ANKIB1: variants seen among roughly 807,000 people sequenced by gnomAD.
The protein encoded by ANKIB1 is ankyrin repeat and IBR domain containing 1.
Under a neutral mutation model 122.1 loss-of-function variants are expected in ANKIB1, and 43 were observed. The ratio of observed to expected loss-of-function variants is 0.35; its 90% CI spans 0.28 to 0.45. ANKIB1 has a LOEUF of 0.45. Ranked by LOEUF, ANKIB1 falls within the 20% of genes least tolerant of loss-of-function variation. The pLI, the probability that ANKIB1 is intolerant of heterozygous loss-of-function variation, is 1.00. For missense variants in ANKIB1, 992 were observed against 1,329.5 expected (o/e 0.75, Z 3.95); for synonymous variants, 390 against 442.0 (o/e 0.88, Z 1.48).
intron 4 of ANKIB1, chr7:92,325,940 T>C (rs541273839): frequency 6.7e-6 from 3 of 449,918 alleles, no homozygotes; most frequent in South Asian, 4.7e-5. Context: ...CTGACTGCTT[T>C]GAAGGTTATT....
intron 19 of ANKIB1, 32 bp downstream of exon 19, chr7:92,397,891 C>G: frequency 6.3e-7 from 1 of 1,584,218 alleles, no homozygotes; most frequent in South Asian, 1.2e-5. Context: ...ATTGCCTGTG[C>G]TTTTACTCTT....
intron 10 of ANKIB1, among the ~76,000 whole-genome samples, chr7:92,367,984 C>T (rs1371234816): frequency 6.6e-6 from 1 of 151,990 alleles, no homozygotes; most frequent in Non-Finnish European, 1.5e-5. Flanking sequence ...AGTGAGATCC[C>T]ACCTCTCCAA....
At chr7:92,352,372 TTTTC>T in intron 8 of ANKIB1, 100 bp from the exon 9 acceptor site, 1 of 1,226,974 alleles carries the variant, frequency 8.2e-7, no homozygotes, top group South Asian at 1.5e-5. Context: ...ATTTCACTCT[TTTTC>T]TTTCTTTGCT....
At chr7:92,332,380 A>T (rs750882946) in intron 5 of ANKIB1, among the ~76,000 whole-genome samples, 9 of 152,218 alleles carry the variant, frequency 5.9e-5, no homozygotes, top group Non-Finnish European at 1.2e-4. Flanking sequence ...ATTCATTTTT[A>T]TACAGGAAAA....
chr7:92,386,740 A>G (rs1278869886), intron 12 of ANKIB1, 97 bp downstream of exon 12: 5 of 1,138,010 alleles, frequency 4.4e-6, no homozygotes, highest in Non-Finnish European at 5.8e-6. Flanking sequence ...TTAATAAAGT[A>G]TTAAATTGAA....
At position 92,376,744 on chromosome 7, in the gene ANKIB1, C is replaced by T. The variant is rs944503211; in HGVS notation, c.1617+5137C>T. ...GATTACAGGCGTGAGCCACCGTGCC[C>T]GGCCTACCTTGCACTTTTATATTAT... On this transcript the variant is annotated intron_variant, in intron 11 of 19. Coordinates refer to ENST00000265742, the MANE Select transcript of ANKIB1 (RefSeq NM_019004.2). Among the ~76,000 whole-genome samples the T allele has an allele frequency of 5.9e-5, 9 of 152,140 alleles. No individual in the cohort carries two copies. The East Asian group carries it at 1.7e-3, about 29-fold the overall frequency.
chr7:92,344,193 G>GTTTTTTTT (rs67933063), intron 6 of ANKIB1, among the ~76,000 whole-genome samples: 10 of 97,682 alleles, frequency 1.0e-4, no homozygotes, highest in East Asian at 3.7e-4. Context: ...TGTGTTTTTG[G>GTTTTTTTT]TTTTTTTTTT....
At chr7:92,291,601 T>TA (rs1244898642) in intron 1 of ANKIB1, among the ~76,000 whole-genome samples, 1 of 148,170 alleles carries the variant, frequency 6.7e-6, no homozygotes, top group Admixed American at 6.8e-5. Context: ...GACAGAGTCT[T>TA]ACACTGTGGC....
rs1804971104 is a variant in ANKIB1 at position 92,399,449 on chromosome 7, A to G, written c.*500A>G. On this transcript the variant is annotated 3_prime_UTR_variant, in exon 20 of 20. Transcript: ENST00000265742. ...TAACTTACTTCCTTTTTGTCTGAGC[A>G]ATGTGAATTGAAGTCTCTTTAGTAC... The G allele has an allele frequency of 6.6e-6, 1 of 152,244 alleles. No individual in the cohort carries two copies. Among genetic ancestry groups the G allele is most frequent in the Non-Finnish European group, 1.5e-5 (1 of 68,068 alleles). 9.4% of individuals were successfully genotyped at this position (152,244 alleles called of 1,614,324 possible).
In ANKIB1 at chr7:92,399,072, G is replaced by A. The variant is rs548806120; in HGVS notation, c.*123G>A. The A allele has an allele frequency of 1.8e-6, 2 of 1,095,494 alleles. No homozygotes were observed. Among genetic ancestry groups the A allele is most frequent in the East Asian group, 5.9e-5 (2 of 33,682 alleles). The allele number at this position is 1,095,494 out of a possible 1,614,324, so 67.9% of individuals were successfully genotyped here. On this transcript the variant is annotated 3_prime_UTR_variant, in exon 20 of 20. Transcript: ENST00000265742. ...GTGATAAACCACTGACATTAGGGTTGAATACAGAGAAGTTCCCTTGAATGG... is the reference window on the plus strand; with the variant it reads ...GTGATAAACCACTGACATTAGGGTTAAATACAGAGAAGTTCCCTTGAATGG...
At chr7:92,322,532 A>C (rs1162390641) in intron 4 of ANKIB1, among the ~76,000 whole-genome samples, 1 of 152,050 alleles carries the variant, frequency 6.6e-6, no homozygotes, top group Non-Finnish European at 1.5e-5. Context: ...TAATTTCTTC[A>C]TCCTGACTGT....
At chr7:92,338,083 A>G (rs1013474988) in intron 5 of ANKIB1, among the ~76,000 whole-genome samples, 15 of 152,126 alleles carry the variant, frequency 9.9e-5, no homozygotes, top group African/African-American at 3.1e-4. Flanking sequence ...AAGGAGAACG[A>G]TAAGTCAAAG....
rs376070061 is a variant in ANKIB1, at chr7:92,368,881, A to G, written c.1487-2596A>G. ...TCATGCAGTTCACTAAAATGCAGTT[A>G]GGAGATCACATTCTCTCCAAGGGTG... On this transcript the variant is annotated intron_variant, in intron 10 of 19. Transcript: ENST00000265742. Among the ~76,000 whole-genome samples the G allele has an allele frequency of 4.6e-5, 7 of 152,352 alleles. No individual in the cohort carries two copies. The East Asian group carries it at 1.2e-3, about 25-fold the overall frequency.
chr7:92,345,139 T>C (rs1166546663), intron 7 of ANKIB1, 73 bp downstream of exon 7: 2 of 1,144,450 alleles, frequency 1.7e-6, no homozygotes. Context: ...TTGTTTGCTT[T>C]CAGTATTTAA....
chr7:92,352,380 C>A, intron 8 of ANKIB1, 96 bp from the exon 9 acceptor site: 1 of 1,280,846 alleles, frequency 7.8e-7, no homozygotes, highest in Non-Finnish European at 1.1e-6. Context: ...CTTTTTCTTT[C>A]TTTGCTTTAT....
intron 3 of ANKIB1, among the ~76,000 whole-genome samples, chr7:92,317,744 C>T (rs1229666930): frequency 6.6e-6 from 1 of 152,044 alleles, no homozygotes; most frequent in Non-Finnish European, 1.5e-5. Context: ...GTAGGAGAAC[C>T]GTGAGGATTC....
chr7:92,372,402 C>T (rs768394525), intron 11 of ANKIB1, among the ~76,000 whole-genome samples: 10 of 151,918 alleles, frequency 6.6e-5, no homozygotes, highest in Non-Finnish European at 1.2e-4. Flanking sequence ...CATTTTTTGT[C>T]GGGGACTTGA....
intron 1 of ANKIB1, among the ~76,000 whole-genome samples, chr7:92,260,555 C>T (rs756063202): frequency 3.9e-5 from 6 of 151,926 alleles, no homozygotes; most frequent in Non-Finnish European, 5.9e-5. Flanking sequence ...TGGTACATGG[C>T]GGTAGTCCCA....
At chr7:92,344,423 T>G (rs1410529036) in intron 6 of ANKIB1, among the ~76,000 whole-genome samples, 1 of 152,026 alleles carries the variant, frequency 6.6e-6, no homozygotes, top group East Asian at 1.9e-4. Flanking sequence ...CAGGCTGGTC[T>G]TGAACTCCTG....
Sources: gnomAD v4.1 joint callset for allele counts (sites outside exome capture counted in the v4.1 genomes callset) on GRCh38, gnomAD v4.1.1 for gene constraint, MANE v1.5 for transcripts, NCBI Gene and HGNC (gene_info 2026-07-23, HGNC 2026-07-21) for gene names.